Variants in HLCS observed in about 807,000 individuals in gnomAD.
HLCS encodes the protein holocarboxylase synthetase, also known as biotin--protein ligase.
HLCS carries 53 observed loss-of-function variants against 75.0 expected under a neutral mutation model. The observed-to-expected ratio is 0.71, with a 90% confidence interval of 0.57 to 0.89. The LOEUF is 0.89. Ranked by LOEUF, HLCS falls within the 40% of genes least tolerant of loss-of-function variation. The pLI is 0.00. For missense variants in HLCS, 966 were observed against 1,074.0 expected, an observed-to-expected ratio of 0.90 and a Z score of 1.41; for synonymous variants, 431 against 428.6, an observed-to-expected ratio of 1.01 and a Z score of -0.07.
At chr21:36,922,834 G>A (rs561639696) in intron 5 of HLCS, among the ~76,000 whole-genome samples, 2 of 152,310 alleles carry the variant, frequency 1.3e-5, no homozygotes, top group East Asian at 3.9e-4. Flanking sequence ...ATTTTTCCAA[G>A]ACAGTCAGTG....
intron 1 of HLCS, among the ~76,000 whole-genome samples, chr21:36,989,656 G>T (rs1260686703): frequency 1.3e-5 from 2 of 151,674 alleles, no homozygotes; most frequent in Non-Finnish European, 2.9e-5. Flanking sequence ...ATGTTATTAT[G>T]TATCAGTCTT....
Position 36,886,789 on chromosome 21 carries a change from G to A in HLCS, c.1892+10071C>T, listed in dbSNP as rs371028603. On this transcript the variant is annotated intron_variant, in intron 6 of 10. Transcript: ENST00000674895. ...ATTAATGCCCTTCTATCTGAGGACCGTTGAGAGCTCTCTCACCCTCTTTCT... is the reference window on the plus strand; with the variant it reads ...ATTAATGCCCTTCTATCTGAGGACCATTGAGAGCTCTCTCACCCTCTTTCT... 4.6e-5 allele frequency among the ~76,000 whole-genome samples: 7 copies of A among 152,226 alleles called. No homozygotes were observed. The South Asian group carries it at 1.2e-3, about 27-fold the overall frequency.
intron 5 of HLCS, among the ~76,000 whole-genome samples, chr21:36,908,798 AGAT>A (rs2065573527): frequency 6.6e-6 from 1 of 152,266 alleles, no homozygotes; most frequent in Non-Finnish European, 1.5e-5. Flanking sequence ...GATTCCACTT[AGAT>A]GACGTTTCAG....
At chr21:36,970,145 A>C (rs193230439), upstream of HLCS, among the ~76,000 whole-genome samples, 1 of 152,252 alleles carries the variant, frequency 6.6e-6, no homozygotes, top group African/African-American at 2.4e-5. Context: ...GGGAAAGCCT[A>C]TCATACTGAC....
chr21:36,856,115 T>G (rs1377548429), intron 6 of HLCS, among the ~76,000 whole-genome samples: 1 of 152,182 alleles, frequency 6.6e-6, no homozygotes, highest in Non-Finnish European at 1.5e-5. Flanking sequence ...GGTTTCTTTT[T>G]GGGGTGATTT....
intron 6 of HLCS, among the ~76,000 whole-genome samples, chr21:36,855,645 T>C (rs1241100786): frequency 1.3e-5 from 2 of 151,662 alleles, no homozygotes; most frequent in Admixed American, 6.6e-5. Context: ...GGCACAATCA[T>C]GGCTAACTGC....
intron 2 of HLCS, among the ~76,000 whole-genome samples, chr21:36,957,196 C>G (rs1569247050): frequency 6.6e-6 from 1 of 152,052 alleles, no homozygotes; most frequent in African/African-American, 2.4e-5. Flanking sequence ...GGAACAGATC[C>G]CTCATGAATA....
chr21:36,905,115 T>C (rs1601693259), intron 5 of HLCS, among the ~76,000 whole-genome samples: 1 of 152,252 alleles, frequency 6.6e-6, no homozygotes, highest in South Asian at 2.1e-4. Flanking sequence ...TTTGTATAAG[T>C]GCTTATTCAA....
chr21:36,811,793 CTA>C (rs1372760468), intron 6 of HLCS, among the ~76,000 whole-genome samples: 3 of 152,174 alleles, frequency 2.0e-5, no homozygotes, highest in Non-Finnish European at 4.4e-5. Flanking sequence ...ACCTCACCTG[CTA>C]TTGAACACGA....
chr21:36,896,909 C>T lies in HLCS; in HGVS notation c.1843G>A (p.Val615Ile). The T allele has an allele frequency of 6.2e-7, 1 of 1,614,214 alleles. No homozygotes were observed. The highest frequency in any genetic ancestry group is 8.5e-7 in the Non-Finnish European group (1 of 1,180,044). ...QNLQTKQLGKVILFAEVTPTT... is the reference protein window; with the variant it reads ...QNLQTKQLGKIILFAEVTPTT... ...GGGGTCACTTCGGCAAACAAAATTA[C>T]TTTCCCCAACTGCTTGGTCTGCAGA... Residue 615 changes from valine to isoleucine, a missense_variant, in exon 6 of 11, where the codon GTA becomes ATA. Transcript: ENST00000674895.
intron 6 of HLCS, among the ~76,000 whole-genome samples, chr21:36,802,569 A>C (rs1423724027): frequency 6.6e-6 from 1 of 152,234 alleles, no homozygotes; most frequent in Non-Finnish European, 1.5e-5. Context: ...AGGTGAAGAA[A>C]CTGCGGCTTG....
chr21:36,958,500 T>C (rs1425622954), intron 2 of HLCS, among the ~76,000 whole-genome samples: 1 of 152,030 alleles, frequency 6.6e-6, no homozygotes, highest in Non-Finnish European at 1.5e-5. Context: ...GGTTAAAACC[T>C]TGTCTAGGCC....
chr21:36,977,635 G>A (rs2068976393), intron 1 of HLCS, among the ~76,000 whole-genome samples: 1 of 152,186 alleles, frequency 6.6e-6, no homozygotes, highest in African/African-American at 2.4e-5. Flanking sequence ...TGTGTGAGTT[G>A]CCGTTTGTGT....
intron 6 of HLCS, among the ~76,000 whole-genome samples, chr21:36,816,586 A>G (rs1265112982): frequency 6.6e-6 from 1 of 152,186 alleles, no homozygotes; most frequent in Non-Finnish European, 1.5e-5. Flanking sequence ...GGGACTAACC[A>G]TCCTTCTCTG....
At chr21:36,933,069 G>C (rs2066718483) in intron 4 of HLCS, among the ~76,000 whole-genome samples, 1 of 152,182 alleles carries the variant, frequency 6.6e-6, no homozygotes, top group African/African-American at 2.4e-5. Context: ...AGTGAGCTGA[G>C]ATGGTGCCAG....
intron 6 of HLCS, among the ~76,000 whole-genome samples, chr21:36,768,273 A>T (rs1349811418): frequency 1.3e-5 from 2 of 152,054 alleles, no homozygotes; most frequent in Admixed American, 6.6e-5. Context: ...TGCGGAAGGG[A>T]TGGCATTTTG....
intron 5 of HLCS, among the ~76,000 whole-genome samples, chr21:36,915,817 A>G (rs995185308): frequency 2.0e-5 from 3 of 151,510 alleles, no homozygotes; most frequent in Non-Finnish European, 4.4e-5. Flanking sequence ...CTGCTTTCCC[A>G]GAATACAGAG....
At chr21:36,980,075 G>C (rs1211483585) in intron 1 of HLCS, among the ~76,000 whole-genome samples, 2 of 129,358 alleles carry the variant, frequency 1.5e-5, no homozygotes, top group Non-Finnish European at 3.2e-5. Context: ...GGTGGTCCCA[G>C]ATACTCAGAG....
chr21:36,949,425 G>T (rs2067566534), intron 2 of HLCS, among the ~76,000 whole-genome samples: 1 of 151,936 alleles, frequency 6.6e-6, no homozygotes, highest in Non-Finnish European at 1.5e-5. Flanking sequence ...CCACAGGGCA[G>T]CTTGAGCTTC....
Sources: gnomAD v4.1 joint callset for allele counts (sites outside exome capture counted in the v4.1 genomes callset) on GRCh38, gnomAD v4.1.1 for gene constraint, MANE v1.5 for transcripts, NCBI Gene and HGNC (gene_info 2026-07-23, HGNC 2026-07-21) for gene names.